C1orf87: variants seen among roughly 807,000 people sequenced by gnomAD.
The protein encoded by C1orf87 is chromosome 1 open reading frame 87.
C1orf87 carries 58 observed loss-of-function variants against 60.5 expected under a neutral mutation model. That is an observed-to-expected ratio of 0.96 (90% CI 0.78 to 1.19). The LOEUF is 1.19. Among genes scored for constraint, C1orf87 ranks in the 50% most tolerant of loss-of-function variants. The pLI, the probability that C1orf87 is intolerant of heterozygous loss-of-function variation, is 0.00. For synonymous variants in C1orf87, 236 were observed against 227.4 expected, an observed-to-expected ratio of 1.04 and a Z score of -0.34; for missense variants, 673 against 638.6, an observed-to-expected ratio of 1.05 and a Z score of -0.58.
intron 11 of C1orf87, among the ~76,000 whole-genome samples, chr1:59,992,419 C>A (rs1256312383): frequency 6.6e-6 from 1 of 151,860 alleles, no homozygotes; most frequent in East Asian, 1.9e-4. Flanking sequence ...CCACTCTCAG[C>A]TAATATTTTT....
rs1380841797 is a variant in C1orf87, at chr1:59,993,125, G to A, written c.1481-2292C>T. Among the ~76,000 whole-genome samples the A allele has an allele frequency of 2.0e-5, 3 of 152,162 alleles. No individual in the cohort carries two copies. In the East Asian group the frequency reaches 5.8e-4, roughly 29 times the overall value. ...GGTGTGGTGGCATGCACCAGCTAAG[G>A]TGGGAGGATCATTTGAGCCTGGGAG... On this transcript the variant is annotated intron_variant, in intron 11 of 11. Transcript: ENST00000371201.
chr1:60,023,496 AG>A (rs1383799435), intron 8 of C1orf87, among the ~76,000 whole-genome samples: 1 of 152,098 alleles, frequency 6.6e-6, no homozygotes, highest in Non-Finnish European at 1.5e-5. Flanking sequence ...GTTTTCTTTC[AG>A]GTATTGTATT....
intron 7 of C1orf87, among the ~76,000 whole-genome samples, chr1:60,033,188 C>A (rs1422857096): frequency 6.6e-6 from 1 of 151,946 alleles, no homozygotes; most frequent in Non-Finnish European, 1.5e-5. Context: ...TTTGGCCTTG[C>A]AAAAATAGTT....
intron 10 of C1orf87, among the ~76,000 whole-genome samples, chr1:59,999,960 C>A (rs918723776): frequency 6.6e-6 from 1 of 152,144 alleles, no homozygotes; most frequent in Non-Finnish European, 1.5e-5. Context: ...CCAGGCTGGG[C>A]AAGAGGTGAT....
At position 60,055,186 on chromosome 1, in the gene C1orf87, G is replaced by A. The variant is rs1439352369; in HGVS notation, c.342+18C>T. On this transcript the variant is annotated intron_variant, in intron 3 of 11. Transcript: ENST00000371201. ...TAATAAATTATCAAGATAAACGTGG[G>A]TATTTTTTGTCACTCACATTGCCAT... 1 of 1,569,914 alleles carries A rather than the reference G, an allele frequency of 6.4e-7. No individual in the cohort carries two copies. The highest frequency in any genetic ancestry group is 8.8e-7 in the Non-Finnish European group (1 of 1,140,476).
chr1:60,021,428 A>G (rs1645162590), intron 8 of C1orf87, among the ~76,000 whole-genome samples: 1 of 152,244 alleles, frequency 6.6e-6, no homozygotes, highest in African/African-American at 2.4e-5. Context: ...GAGAGAGTAC[A>G]GCACAAGGAA....
intron 8 of C1orf87, among the ~76,000 whole-genome samples, chr1:60,021,705 T>C (rs1645164242): frequency 6.6e-6 from 1 of 152,246 alleles, no homozygotes; most frequent in Non-Finnish European, 1.5e-5. Context: ...GGCACTATCA[T>C]CTACTGTCTG....
intron 3 of C1orf87, among the ~76,000 whole-genome samples, chr1:60,051,734 C>T (rs1277835442): frequency 2.0e-5 from 3 of 152,130 alleles, no homozygotes; most frequent in Non-Finnish European, 4.4e-5. Flanking sequence ...TGATTAAAAT[C>T]TCCCTGGTGA....
intron 2 of C1orf87, among the ~76,000 whole-genome samples, chr1:60,058,962 G>A (rs1003955129): frequency 1.3e-5 from 2 of 152,160 alleles, no homozygotes; most frequent in African/African-American, 4.8e-5. Context: ...CCTTTTGTGG[G>A]CAGTGTCAGG....
intron 3 of C1orf87, among the ~76,000 whole-genome samples, chr1:60,049,026 G>A (rs1645393899): frequency 6.6e-6 from 1 of 151,872 alleles, no homozygotes; most frequent in Non-Finnish European, 1.5e-5. Context: ...GGTGTAACAG[G>A]TAATGTTGGA....
intron 2 of C1orf87, among the ~76,000 whole-genome samples, chr1:60,064,718 A>C (rs1645526751): frequency 1.0e-5 from 1 of 99,110 alleles, no homozygotes; most frequent in African/African-American, 4.1e-5. Context: ...ATATATATAA[A>C]TATATTTAAA....
chr1:60,071,761 A>G (rs1170502523), intron 2 of C1orf87, among the ~76,000 whole-genome samples: 1 of 152,194 alleles, frequency 6.6e-6, no homozygotes, highest in East Asian at 1.9e-4. Flanking sequence ...TTCTTCTTGC[A>G]CCTATGTTCA....
At position 60,038,027 on chromosome 1, in the gene C1orf87, C is replaced by T. The variant is rs143573804; in HGVS notation, c.828G>A (p.Leu276=). The change falls in exon 6 of 12, where the codon CTG becomes CTA. Residue 276 remains leucine (L), a synonymous_variant. Coordinates refer to ENST00000371201, the MANE Select transcript of C1orf87 (RefSeq NM_152377.3). ...YPQQNKAAAD[L]RKTESHGTHS... is the part of the protein sequence containing the mutation. ...GAGTGCCATGACTCTCAGTTTTTCT[C>T]AGGTCTGCAGCTGCTTTATTTTGCT... 12 of 1,610,584 alleles carry T rather than the reference C, an allele frequency of 7.5e-6. No individual in the cohort carries two copies. In the East Asian group the frequency reaches 2.5e-4, roughly 33 times the overall value.
chr1:60,069,844 T>A (rs1645573209), intron 2 of C1orf87, among the ~76,000 whole-genome samples: 1 of 152,194 alleles, frequency 6.6e-6, no homozygotes, highest in African/African-American at 2.4e-5. Flanking sequence ...AATAGGGTTA[T>A]TACAGATGTA....
At position 60,067,425 on chromosome 1, in the gene C1orf87, G is replaced by T. The variant is rs568392738; in HGVS notation, c.107+5112C>A. Among the ~76,000 whole-genome samples, 3 of 152,212 alleles carry T rather than the reference G, an allele frequency of 2.0e-5. No homozygotes were observed. In the South Asian group the frequency reaches 6.2e-4, roughly 32 times the overall value. ...TTGCCATTCTAACTGGTGTGATATAGTATCTCATTACGGTTTTGATTTGCA... is the reference window on the plus strand; with the variant it reads ...TTGCCATTCTAACTGGTGTGATATATTATCTCATTACGGTTTTGATTTGCA... On this transcript the variant is annotated intron_variant, in intron 2 of 11. Transcript: ENST00000371201.
chr1:60,022,972 TGCAC>T (rs1172336604), intron 8 of C1orf87, among the ~76,000 whole-genome samples: 3 of 152,150 alleles, frequency 2.0e-5, no homozygotes, highest in Non-Finnish European at 1.5e-5. Flanking sequence ...CTCAGAACGG[TGCAC>T]GACTTAAAAC....
intron 9 of C1orf87, among the ~76,000 whole-genome samples, chr1:60,002,483 G>GT (rs1440912150): frequency 6.6e-6 from 1 of 151,940 alleles, no homozygotes; most frequent in Non-Finnish European, 1.5e-5. Flanking sequence ...GGGGTTGTTT[G>GT]TTTTTTTCTT....
intron 8 of C1orf87, among the ~76,000 whole-genome samples, chr1:60,023,036 A>T (rs1645174754): frequency 1.3e-5 from 2 of 152,190 alleles, no homozygotes; most frequent in South Asian, 4.1e-4. Context: ...TTCAGATCAT[A>T]GGTAACTGAA....
chr1:60,027,872 T>C (rs560902082), intron 7 of C1orf87, among the ~76,000 whole-genome samples: 73 of 152,278 alleles, frequency 4.8e-4, no homozygotes, highest in African/African-American at 1.7e-3. Context: ...ATTTTGACAT[T>C]ATCTGTTCTG....
Sources: gnomAD v4.1 joint callset for allele counts (sites outside exome capture counted in the v4.1 genomes callset) on GRCh38, gnomAD v4.1.1 for gene constraint, MANE v1.5 for transcripts, NCBI Gene and HGNC (gene_info 2026-07-23, HGNC 2026-07-21) for gene names.